ZNF688: variants seen among roughly 807,000 people sequenced by gnomAD.
ZNF688 encodes the protein zinc finger protein 688.
Under a neutral mutation model 13.2 loss-of-function variants are expected in ZNF688, and 10 were observed. The ratio of observed to expected loss-of-function variants is 0.76; its 90% confidence interval spans 0.47 to 1.28. The LOEUF is 1.28. ZNF688 is among the 50% of genes most tolerant of loss of function. The pLI is 0.00. For synonymous variants in ZNF688, 160 were observed against 159.4 expected (o/e 1.00, Z -0.03); for missense variants, 381 against 391.4 (o/e 0.97, Z 0.22).
upstream of ZNF688, chr16:30,571,942 G>A: frequency 7.8e-7 from 1 of 1,287,426 alleles, no homozygotes; most frequent in South Asian, 2.7e-5. Flanking sequence ...TCTTAAGGGC[G>A]CCATTATTTG....
At chr16:30,570,977 A>C (rs1265459078) in intron 2 of ZNF688, 33 bp downstream of exon 2, 1 of 1,612,176 alleles carries the variant, frequency 6.2e-7, no homozygotes. Flanking sequence ...AGCCCTGGAA[A>C]ACCAAGTGGG....
chr16:30,569,861 GGATCC>G lies in ZNF688; in HGVS notation c.*50_*54del, dbSNP rs2051642332. ...TCCCCGACTCAGTGGCCCACCTCAG[GGATCC>G]GTCAGTCCTTCGTGCCAAGGTCAGG... is the stretch of plus-strand genomic sequence containing the variant. On this transcript the variant is annotated 3_prime_UTR_variant, in exon 3 of 3. Coordinates refer to ENST00000223459, the MANE Select transcript of ZNF688 (RefSeq NM_145271.4). 1 of 1,495,192 alleles carries G rather than the reference GGATCC, an allele frequency of 6.7e-7. No individual in the cohort carries two copies. The highest frequency in any genetic ancestry group is 2.4e-5 in the Admixed American group (1 of 42,306). The allele number at this position is 1,495,192 out of a possible 1,614,324, so 92.6% of individuals were successfully genotyped here.
chr16:30,576,857 C>T (rs2051752402), upstream of ZNF688, among the ~76,000 whole-genome samples: 1 of 152,000 alleles, frequency 6.6e-6, no homozygotes. Context: ...CAGCCTCAAC[C>T]TCCCTGGGTT....
upstream of ZNF688, among the ~76,000 whole-genome samples, chr16:30,574,356 G>A (rs1272169146): frequency 2.0e-5 from 3 of 151,948 alleles, no homozygotes; most frequent in African/African-American, 2.4e-5. Context: ...GACCAGCCTG[G>A]CCAACATGGC....
At chr16:30,570,685 T>C (rs967347883) in intron 2 of ZNF688, 1 of 427,594 alleles carries the variant, frequency 2.3e-6, no homozygotes, top group African/African-American at 2.0e-5. Flanking sequence ...AGTAGATGCA[T>C]GTTAAGCACT....
At chr16:30,571,835 T>TC, upstream of ZNF688, 4 of 1,302,878 alleles carry the variant, frequency 3.1e-6, no homozygotes, top group South Asian at 2.6e-5. Context: ...CAGTGTTTAT[T>TC]CACTTCATGG....
chr16:30,572,911 G>A (rs897596181), upstream of ZNF688, among the ~76,000 whole-genome samples: 1 of 151,574 alleles, frequency 6.6e-6, no homozygotes, highest in Admixed American at 6.6e-5. Flanking sequence ...TACTCTTGTT[G>A]CCCAGGCTGG....
Position 30,571,507 on chromosome 16 carries a change from G to A in ZNF688, c.123C>T (p.Gly41=). The change falls in exon 1 of 3, where the codon GGC becomes GGT. Residue 41 remains glycine (G), a synonymous_variant. Coordinates refer to ENST00000223459, the MANE Select transcript of ZNF688 (RefSeq NM_145271.4). The stretch of plus-strand genomic sequence containing the variant: ...GAGCCCTCTGCGCGGGCCGCAGACA[G>A]CCCCACTCCTCCGGGGAGAAGTACA... ...VAVYFSPEEW[G]CLRPAQRALY... 1 of 1,590,206 alleles carries A rather than the reference G, an allele frequency of 6.3e-7. No homozygotes were observed. The highest frequency in any genetic ancestry group is 8.6e-7 in the Non-Finnish European group (1 of 1,169,232).
rs776633326 is a variant in ZNF688, at chr16:30,570,441, G to A, written c.311-5C>T. On this transcript the variant is annotated splice_region_variant and splice_polypyrimidine_tract_variant and intron_variant, in intron 2 of 2. Transcript: ENST00000223459. ...CCTTCCTGTTTGGGACATCTCCTGG[G>A]AAACCGGAATTAAGTTACACTTACA... is the stretch of plus-strand genomic sequence containing the variant. 4.4e-6 allele frequency: 7 copies of A among 1,606,030 alleles called. No homozygotes were observed. In the Admixed American group the frequency reaches 1.2e-4, roughly 27 times the overall value.
upstream of ZNF688, chr16:30,572,004 T>C: frequency 4.3e-6 from 6 of 1,397,568 alleles, no homozygotes; most frequent in Non-Finnish European, 5.6e-6. Flanking sequence ...TCGTCCCACT[T>C]GCCCTTAAAT....
At chr16:30,573,489 T>C (rs1052575675), upstream of ZNF688, among the ~76,000 whole-genome samples, 23 of 152,146 alleles carry the variant, frequency 1.5e-4, no homozygotes, top group Non-Finnish European at 1.3e-4. Flanking sequence ...ATCCCCACAT[T>C]TGGAATATAC....
At position 30,569,855 on chromosome 16, in the gene ZNF688, C is replaced by T. The variant is rs1178092502; in HGVS notation, c.*61G>A. ...CCGGAGTCCCCGACTCAGTGGCCCA[C>T]CTCAGGGATCCGTCAGTCCTTCGTG... On this transcript the variant is annotated 3_prime_UTR_variant, in exon 3 of 3. Transcript: ENST00000223459. 1 of 1,492,480 alleles carries T rather than the reference C, an allele frequency of 6.7e-7. No individual in the cohort carries two copies. Among genetic ancestry groups the T allele is most frequent in the Non-Finnish European group, 8.9e-7 (1 of 1,122,392 alleles). The allele number at this position is 1,492,480 out of a possible 1,614,324, so 92.5% of individuals were successfully genotyped here.
At chr16:30,571,919 T>C, upstream of ZNF688, 4 of 1,279,132 alleles carry the variant, frequency 3.1e-6, no homozygotes, top group South Asian at 1.2e-4. Context: ...ACCCTTCAAT[T>C]GTCACAGGCT....
At chr16:30,570,471 CTT>C in intron 2 of ZNF688, 35 bp from the exon 3 acceptor site, 1 of 1,586,382 alleles carries the variant, frequency 6.3e-7, no homozygotes, top group African/African-American at 1.3e-5. Flanking sequence ...CTTACAAACA[CTT>C]TTGCACAGAC....
At chr16:30,575,332 T>C (rs1295437073), upstream of ZNF688, among the ~76,000 whole-genome samples, 1 of 151,848 alleles carries the variant, frequency 6.6e-6, no homozygotes, top group Non-Finnish European at 1.5e-5. Flanking sequence ...TTGCAGCCTC[T>C]GCCTCCCAGG....
rs1200616994 is a variant in ZNF688 at position 30,571,446 on chromosome 16, G to A, written c.184C>T (p.Leu62=). Residue 62 remains leucine, a synonymous_variant, in exon 1 of 3, where the codon CTG becomes TTG. Transcript: ENST00000223459. ...CCGGGGCTCTCACCGAGCGCGCCCAGGTGGCCGTAGGTCTCCTGCATCACG... is the reference window on the plus strand; with the variant it reads ...CCGGGGCTCTCACCGAGCGCGCCCAAGTGGCCGTAGGTCTCCTGCATCACG... ...RDVMQETYGH[L]GALGFPGPKP... is the part of the protein sequence containing the mutation. The A allele has an allele frequency of 6.4e-7, 1 of 1,574,188 alleles. No individual in the cohort carries two copies. Among genetic ancestry groups the A allele is most frequent in the Non-Finnish European group, 8.6e-7 (1 of 1,160,896 alleles).
At chr16:30,570,742 TTTA>T in intron 2 of ZNF688, 1 of 312,136 alleles carries the variant, frequency 3.2e-6, no homozygotes, top group Non-Finnish European at 5.7e-6. Flanking sequence ...TATTTATTTA[TTTA>T]TTTATTTATT....
Position 30,571,681 on chromosome 16 carries a change from C to T in ZNF688, c.-52G>A. ...CGCCAGGTCCCTGGAGCCGCCGCCT[C>T]CCCGCTCCCGGCCTCAGCTGTCGTT... On this transcript the variant is annotated 5_prime_UTR_variant, in exon 1 of 3. Coordinates refer to ENST00000223459, the MANE Select transcript of ZNF688 (RefSeq NM_145271.4). 1 of 1,361,102 alleles carries T rather than the reference C, an allele frequency of 7.3e-7. No homozygotes were observed. The allele number at this position is 1,361,102 out of a possible 1,614,324, so 84.3% of individuals were successfully genotyped here.
At chr16:30,577,591 C>A (rs1946236944), upstream of ZNF688, among the ~76,000 whole-genome samples, 1 of 151,348 alleles carries the variant, frequency 6.6e-6, no homozygotes, top group Non-Finnish European at 1.5e-5. Context: ...GGCCAGGATG[C>A]TCTTGATCTC....
Sources: allele counts gnomAD v4.1 joint callset (sites outside exome capture counted in the v4.1 genomes callset), GRCh38; gene constraint gnomAD v4.1.1; transcripts MANE v1.5; gene names NCBI Gene and HGNC (gene_info 2026-07-23, HGNC 2026-07-21).